Variants in IGSF23 observed in about 807,000 individuals in gnomAD.
IGSF23 encodes the protein immunoglobulin superfamily, member 23.
In IGSF23, 14 loss-of-function variants were observed where a neutral mutation model predicts 17.8. The observed-to-expected ratio is 0.79, with a 90% CI of 0.52 to 1.23. The LOEUF (loss-of-function observed/expected upper bound fraction) is 1.23, where lower values mean the gene tolerates loss of function less well. IGSF23 is among the 50% of genes most tolerant of loss of function. IGSF23 has a pLI of 0.00. For synonymous variants in IGSF23, 85 were observed against 92.5 expected, an observed-to-expected ratio of 0.92 and a Z score of 0.46; for missense variants, 214 against 241.7, an observed-to-expected ratio of 0.89 and a Z score of 0.76.
chr19:44,620,341 T>TTGTGTG (rs373422531), intron 1 of IGSF23, among the ~76,000 whole-genome samples: 8,441 of 139,178 alleles, frequency 0.061, 284 homozygotes, highest in East Asian at 0.12. Context: ...ATGACTAATT[T>TTGTGTG]TGTGTGTGTG....
chr19:44,633,050 C>T (rs59451830), intron 3 of IGSF23, among the ~76,000 whole-genome samples: 30,744 of 152,186 alleles, frequency 0.2, 3,363 homozygotes, highest in East Asian at 0.45. Flanking sequence ...AAAACTTTAC[C>T]TTTCAAGCCA....
At chr19:44,617,871 C>T (rs1261306052) in intron 1 of IGSF23, among the ~76,000 whole-genome samples, 3 of 152,188 alleles carry the variant, frequency 2.0e-5, no homozygotes, top group African/African-American at 4.8e-5. Flanking sequence ...CTTCTGCCAA[C>T]GTGCCCACTG....
Position 44,620,384 on chromosome 19 carries a change from T to TGTGTGTGTGTGTGA in IGSF23, c.126-3322_126-3321insTGTGTGTGTGTGAG, listed in dbSNP as rs367864064. 3.5e-5 allele frequency among the ~76,000 whole-genome samples: 5 copies of TGTGTGTGTGTGTGA among 142,960 alleles called. No individual in the cohort carries two copies. In the Admixed American group the frequency reaches 3.6e-4, roughly 10 times the overall value. The allele number at this position is 142,960 out of a possible 152,430, so 93.8% of individuals were successfully genotyped here. On this transcript the variant is annotated intron_variant, in intron 1 of 4. Transcript: ENST00000402988. The stretch of plus-strand genomic sequence containing the variant: ...GTGTGTGTGTGTGTGTGTGTGTGTG[T>TGTGTGTGTGTGTGA]GAGATGGAGCCTCGCTCTGTCGCCC...
chr19:44,631,220 T>C (rs1972759235), intron 3 of IGSF23, among the ~76,000 whole-genome samples: 1 of 152,178 alleles, frequency 6.6e-6, no homozygotes. Flanking sequence ...TGAGCCATTA[T>C]TGCTCTACTG....
intron 1 of IGSF23, 32 bp downstream of exon 1, chr19:44,613,802 G>A (rs1264887223): frequency 6.5e-7 from 1 of 1,549,566 alleles, no homozygotes; most frequent in Non-Finnish European, 8.7e-7. Context: ...CCAGGGTAGG[G>A]CATGGTCATC....
In IGSF23 at chr19:44,614,391, C is replaced by T. The variant is rs183152677; in HGVS notation, c.125+621C>T. Among the ~76,000 whole-genome samples, 484 of 152,284 alleles carry T rather than the reference C, an allele frequency of 3.2e-3. 9 individuals carry two copies. The highest frequency in any genetic ancestry group is 4.1e-4 in the Non-Finnish European group (28 of 68,038). ...CAGCCGTAATAGAAGGTCACTGTAACTGAATAGATCTATATACCAGCCTGT... is the reference window on the plus strand; with the variant it reads ...CAGCCGTAATAGAAGGTCACTGTAATTGAATAGATCTATATACCAGCCTGT... On this transcript the variant is annotated intron_variant, in intron 1 of 4. Transcript: ENST00000402988.
At chr19:44,616,674 C>T (rs546624723) in intron 1 of IGSF23, among the ~76,000 whole-genome samples, 392 of 125,212 alleles carry the variant, frequency 3.1e-3, no homozygotes, top group Non-Finnish European at 4.8e-3. Context: ...TCCAGCCTGG[C>T]GACAGAGCGA....
chr19:44,623,577 C>A, intron 1 of IGSF23, 130 bp from the exon 2 acceptor site: 1 of 1,004,766 alleles, frequency 1.0e-6, no homozygotes, highest in Non-Finnish European at 1.5e-6. Context: ...TCTTCAAACA[C>A]ATTCATGGGT....
intron 3 of IGSF23, among the ~76,000 whole-genome samples, chr19:44,634,623 AAAAG>A (rs1972845140): frequency 6.6e-6 from 1 of 152,110 alleles, no homozygotes; most frequent in African/African-American, 2.4e-5. Flanking sequence ...CGTCCTCCAG[AAAAG>A]AAAGAACTGG....
At chr19:44,635,235 T>A (rs1282313439) in intron 3 of IGSF23, among the ~76,000 whole-genome samples, 166 bp from the exon 4 acceptor site, 1 of 152,170 alleles carries the variant, frequency 6.6e-6, no homozygotes, top group Non-Finnish European at 1.5e-5. Flanking sequence ...ACTCTTATGA[T>A]CTCATTTAAC....
In IGSF23 at chr19:44,628,957, A is replaced by T. The variant is rs576277669; in HGVS notation, c.545+1384A>T. On this transcript the variant is annotated intron_variant, in intron 3 of 4. Transcript: ENST00000402988. Reference sequence around the variant, plus strand: ...GGTCTGAAGGAATGGCATATCCAGCAGAGGGAACAGCAAGTGCAAAGGCCC... The same window carrying T: ...GGTCTGAAGGAATGGCATATCCAGCTGAGGGAACAGCAAGTGCAAAGGCCC... Among the ~76,000 whole-genome samples, 175 of 152,252 alleles carry T rather than the reference A, an allele frequency of 1.1e-3. 2 individuals carry two copies. The highest frequency in any genetic ancestry group is 4.2e-3 in the African/African-American group (174 of 41,550).
chr19:44,614,946 C>T (rs1365839875), intron 1 of IGSF23, among the ~76,000 whole-genome samples: 1 of 152,164 alleles, frequency 6.6e-6, no homozygotes, highest in Non-Finnish European at 1.5e-5. Context: ...AGACCACACA[C>T]ATCTGCCTCT....
chr19:44,632,356 G>C (rs1271332876), intron 3 of IGSF23: 2 of 168,232 alleles, frequency 1.2e-5, no homozygotes, highest in African/African-American at 4.8e-5. Flanking sequence ...CACTATCATA[G>C]CTACCATTAC....
At position 44,623,969 on chromosome 19, in the gene IGSF23, C is replaced by A; in HGVS notation, c.388C>A (p.Pro130Thr). 1 of 1,547,616 alleles carries A rather than the reference C, an allele frequency of 6.5e-7. No homozygotes were observed. The highest frequency in any genetic ancestry group is 8.7e-7 in the Non-Finnish European group (1 of 1,145,846). The change falls in exon 2 of 5, where the codon CCA (proline) becomes ACA (threonine). Residue 130 changes from proline to threonine, a missense_variant. Pro to Thr is a conservative substitution (Grantham distance 38). Coordinates refer to ENST00000402988, the MANE Select transcript of IGSF23 (RefSeq NM_001205280.2). ...CTCTGAGCCTGTAACCATCTCGCTG[C>A]CAAGTGAGTCCCCCATTCCACCCCA... ...LVSEPVTISL[P>T]KPIMQPTEAE...
intron 4 of IGSF23, 122 bp downstream of exon 4, chr19:44,635,587 C>A (rs890795854): frequency 1.2e-4 from 81 of 690,858 alleles, no homozygotes; most frequent in Middle Eastern, 5.3e-4. Context: ...GTGAGATGTT[C>A]CCCTCCTGTG....
intron 1 of IGSF23, among the ~76,000 whole-genome samples, chr19:44,616,569 C>T (rs983632051): frequency 6.6e-6 from 1 of 151,560 alleles, no homozygotes; most frequent in African/African-American, 2.4e-5. Flanking sequence ...TGGTGGCGCA[C>T]GCCTGTAGTC....
intron 2 of IGSF23, among the ~76,000 whole-genome samples, chr19:44,625,482 G>A (rs751324526): frequency 6.6e-5 from 10 of 152,034 alleles, no homozygotes; most frequent in African/African-American, 1.7e-4. Context: ...CCCTGTTCCC[G>A]TGCCTTCCTG....
At chr19:44,617,691 G>A (rs1253910507) in intron 1 of IGSF23, among the ~76,000 whole-genome samples, 1 of 152,202 alleles carries the variant, frequency 6.6e-6, no homozygotes, top group Non-Finnish European at 1.5e-5. Flanking sequence ...GTGAGAAAAT[G>A]TTGGGTGAGG....
At chr19:44,631,122 C>G (rs1330637036) in intron 3 of IGSF23, among the ~76,000 whole-genome samples, 1 of 149,806 alleles carries the variant, frequency 6.7e-6, no homozygotes, top group Non-Finnish European at 1.5e-5. Context: ...GAAAAATTCA[C>G]TGGGCATGAT....
Sources: gnomAD v4.1 joint callset for allele counts (sites outside exome capture counted in the v4.1 genomes callset) on GRCh38, gnomAD v4.1.1 for gene constraint, MANE v1.5 for transcripts, NCBI Gene and HGNC (gene_info 2026-07-23, HGNC 2026-07-21) for gene names.